The following IYD variants were observed in gnomAD, a reference collection of about 807,000 sequenced individuals.
The protein encoded by IYD is iodotyrosine deiodinase 1.
A neutral mutation model predicts 28.4 loss-of-function variants in IYD; 25 were observed. The observed-to-expected ratio is 0.88, with a 90% CI of 0.64 to 1.23. IYD has a LOEUF of 1.23. IYD is among the 50% of genes most tolerant of loss of function. The pLI, the probability that IYD is intolerant of heterozygous loss-of-function variation, is 0.00. For synonymous variants in IYD, 140 were observed against 130.8 expected (o/e 1.07, Z -0.48); for missense variants, 352 against 357.9 (o/e 0.98, Z 0.13).
chr6:150,369,133 T>A lies in IYD; in HGVS notation c.102T>A (p.Pro34=). ...GCATGGAGAAAAAGAAGGGGGAGCC[T>A]AGAACCAGGGCCGAAGCTCGCCCCT... ...DRSMEKKKGE[P]RTRAEARPWV... The change falls in exon 1 of 5, where the codon CCT becomes CCA. Residue 34 remains proline, a synonymous_variant. Transcript: ENST00000344419. 3 of 1,613,924 alleles carry A rather than the reference T, an allele frequency of 1.9e-6. No individual in the cohort carries two copies. Among genetic ancestry groups the A allele is most frequent in the Non-Finnish European group, 2.5e-6 (3 of 1,179,992 alleles).
chr6:150,401,748 A>T lies in IYD; in HGVS notation c.*3511A>T, dbSNP rs1778516155. 1 of 152,188 alleles carries T rather than the reference A, an allele frequency of 6.6e-6. No homozygotes were observed. The highest frequency in any genetic ancestry group is 1.5e-5 in the Non-Finnish European group (1 of 68,038). 9.4% of individuals were successfully genotyped at this position (152,188 alleles called of 1,614,324 possible). A position where few individuals can be genotyped will look rare whatever the true frequency, so the allele number is the denominator to read the frequency against. Reference sequence around the variant, plus strand: ...CTGTTCTGAGGCCTTAAAACCAAAAAAATAATGGAATGATTGCATCACTGC... The same window carrying T: ...CTGTTCTGAGGCCTTAAAACCAAAATAATAATGGAATGATTGCATCACTGC... On this transcript the variant is annotated 3_prime_UTR_variant, in exon 5 of 5. Coordinates refer to ENST00000344419, the MANE Select transcript of IYD (RefSeq NM_203395.3).
intron 2 of IYD, among the ~76,000 whole-genome samples, chr6:150,391,236 A>G (rs961973081): frequency 4.3e-5 from 4 of 93,408 alleles, no homozygotes; most frequent in Admixed American, 1.1e-4. Context: ...ACGCCATCAA[A>G]AAAAAAAAAA....
intron 1 of IYD, among the ~76,000 whole-genome samples, chr6:150,372,137 TG>T (rs1187530591): frequency 1.3e-5 from 2 of 152,218 alleles, no homozygotes; most frequent in African/African-American, 4.8e-5. Flanking sequence ...AAATAAGTAT[TG>T]TAGGCCATTC....
intron 3 of IYD, 96 bp from the exon 4 acceptor site, chr6:150,394,003 A>T: frequency 8.1e-7 from 1 of 1,240,284 alleles, no homozygotes; most frequent in African/African-American, 1.5e-5. Context: ...AAAGATGAGT[A>T]AATATGTTTT....
intron 1 of IYD, among the ~76,000 whole-genome samples, chr6:150,382,137 T>C (rs1777667957): frequency 6.6e-6 from 1 of 152,038 alleles, no homozygotes; most frequent in Non-Finnish European, 1.5e-5. Flanking sequence ...TCTCCCGAGA[T>C]CCCACCCCTC....
chr6:150,394,750 G>T (rs1446546697), intron 4 of IYD, among the ~76,000 whole-genome samples: 1 of 152,214 alleles, frequency 6.6e-6, no homozygotes, highest in African/African-American at 2.4e-5. Context: ...ACATGAAATG[G>T]AGCAGGATTG....
In IYD at chr6:150,381,310, T is replaced by G. The variant is rs571881913; in HGVS notation, c.179-8042T>G. 2.6e-5 allele frequency among the ~76,000 whole-genome samples: 4 copies of G among 152,328 alleles called. No homozygotes were observed. In the South Asian group the frequency reaches 8.3e-4, roughly 32 times the overall value. ...TCCACTGTATCTAGACTTTACCTAC[T>G]TTTGCTGAACCTGAACTTTCACTGC... On this transcript the variant is annotated intron_variant, in intron 1 of 4. Coordinates refer to ENST00000344419, the MANE Select transcript of IYD (RefSeq NM_203395.3).
intron 4 of IYD, among the ~76,000 whole-genome samples, chr6:150,397,721 T>C (rs1202932037): frequency 6.6e-6 from 1 of 152,168 alleles, no homozygotes; most frequent in African/African-American, 2.4e-5. Context: ...AACTCCCTGT[T>C]GTTTTTGCCT....
intron 1 of IYD, among the ~76,000 whole-genome samples, chr6:150,383,435 A>C (rs1777726478): frequency 6.6e-6 from 1 of 152,228 alleles, no homozygotes; most frequent in Non-Finnish European, 1.5e-5. Flanking sequence ...ACTAACCTTC[A>C]GCTAGATTTT....
At chr6:150,377,624 C>T (rs559157821) in intron 1 of IYD, among the ~76,000 whole-genome samples, 1 of 152,340 alleles carries the variant, frequency 6.6e-6, no homozygotes, top group Admixed American at 6.5e-5. Context: ...TTAGGAGAGT[C>T]TGCCTTGGAC....
chr6:150,370,500 C>G (rs1008116657), intron 1 of IYD: 1 of 985,406 alleles, frequency 1.0e-6, no homozygotes, highest in Non-Finnish European at 1.2e-6. Flanking sequence ...CCAGCTGGCT[C>G]TCAGTGCTAA....
At position 150,398,193 on chromosome 6, in the gene IYD, G is replaced by A. The variant is rs934484161; in HGVS notation, c.826G>A (p.Asp276Asn). The change falls in exon 5 of 5, where the codon GAC becomes AAC. Residue 276 changes from aspartate to asparagine, a missense_variant. Transcript: ENST00000344419. ...GYPSKEATVP[D>N]LKRKPLDQIM... ...CCCCAGCAAGGAGGCCACGGTGCCTGACCTCAAGCGCAAACCTCTGGACCA... is the reference window on the plus strand; with the variant it reads ...CCCCAGCAAGGAGGCCACGGTGCCTAACCTCAAGCGCAAACCTCTGGACCA... 3.1e-6 allele frequency: 5 copies of A among 1,614,148 alleles called. No individual in the cohort carries two copies. The highest frequency in any genetic ancestry group is 4.2e-6 in the Non-Finnish European group (5 of 1,180,036).
At chr6:150,393,189 T>G (rs941431581) in intron 3 of IYD, among the ~76,000 whole-genome samples, 16 of 152,222 alleles carry the variant, frequency 1.1e-4, no homozygotes, top group Admixed American at 3.9e-4. Flanking sequence ...CCACAGGGGG[T>G]GGGTACACAA....
chr6:150,394,799 G>A (rs1778249700), intron 4 of IYD, among the ~76,000 whole-genome samples: 1 of 152,194 alleles, frequency 6.6e-6, no homozygotes, highest in Admixed American at 6.5e-5. Flanking sequence ...TCACTCAACA[G>A]TGCATTCACT....
chr6:150,387,773 A>T (rs1188141998), intron 1 of IYD, among the ~76,000 whole-genome samples: 2 of 151,380 alleles, frequency 1.3e-5, no homozygotes, highest in East Asian at 3.9e-4. Flanking sequence ...TCAATTCCAG[A>T]AGTTCTCTAT....
chr6:150,390,452 A>C (rs1180886484), intron 2 of IYD, among the ~76,000 whole-genome samples: 1 of 152,246 alleles, frequency 6.6e-6, no homozygotes, highest in Non-Finnish European at 1.5e-5. Context: ...ACAAATATTT[A>C]GTAAACAAAT....
intron 1 of IYD, among the ~76,000 whole-genome samples, 172 bp from the exon 2 acceptor site, chr6:150,389,180 G>A (rs975311318): frequency 8.5e-5 from 13 of 152,128 alleles, no homozygotes; most frequent in African/African-American, 2.9e-4. Flanking sequence ...GGAGTTTTAA[G>A]GATAGTCAAG....
intron 1 of IYD, among the ~76,000 whole-genome samples, chr6:150,373,551 C>T (rs143461022): frequency 3.3e-5 from 5 of 152,280 alleles, no homozygotes; most frequent in Non-Finnish European, 5.9e-5. Flanking sequence ...CATACTAGGG[C>T]GAGTCTCTGG....
intron 4 of IYD, 142 bp downstream of exon 4, chr6:150,394,397 G>C (rs1778236537): frequency 1.2e-6 from 1 of 844,976 alleles, no homozygotes; most frequent in Non-Finnish European, 1.9e-6. Flanking sequence ...AACTGACTCT[G>C]GAAACCTGGA....
Sources: gnomAD v4.1 joint callset for allele counts (sites outside exome capture counted in the v4.1 genomes callset) on GRCh38, gnomAD v4.1.1 for gene constraint, MANE v1.5 for transcripts, NCBI Gene and HGNC (gene_info 2026-07-23, HGNC 2026-07-21) for gene names.